Variants in CDH7 observed in about 807,000 individuals in gnomAD.
The protein encoded by CDH7 is cadherin-7.
In CDH7, 25 loss-of-function variants were observed where a neutral mutation model predicts 71.8. That is an observed-to-expected ratio of 0.35 (90% CI 0.25 to 0.49). The LOEUF (loss-of-function observed/expected upper bound fraction) is 0.49, where lower values mean the gene tolerates loss of function less well. Ranked by LOEUF, CDH7 falls within the 20% of genes least tolerant of loss-of-function variation. The pLI is 0.99. For missense variants in CDH7, 862 were observed against 974.6 expected (o/e 0.88, Z 1.54); for synonymous variants, 381 against 363.8 (o/e 1.05, Z -0.54).
At chr18:65,871,635 A>G (rs901998877) in intron 11 of CDH7, among the ~76,000 whole-genome samples, 1 of 152,170 alleles carries the variant, frequency 6.6e-6, no homozygotes, top group Non-Finnish European at 1.5e-5. Context: ...GTATTTTCCT[A>G]CTTGAGAAAA....
intron 1 of CDH7, among the ~76,000 whole-genome samples, chr18:65,760,301 A>G (rs946837557): frequency 1.3e-5 from 2 of 152,184 alleles, no homozygotes; most frequent in Admixed American, 1.3e-4. Context: ...CTTAGAATTT[A>G]ACTTATTCAA....
chr18:65,784,887 T>G lies in CDH7; in HGVS notation c.210+21835T>G, dbSNP rs563074486. On this transcript the variant is annotated intron_variant, in intron 2 of 11. Coordinates refer to ENST00000397968, the MANE Select transcript of CDH7 (RefSeq NM_004361.5). The stretch of plus-strand genomic sequence containing the variant: ...TCTGTGTCTCCACATTTTTTACCCT[T>G]GTTCATTTATGTGTTACATTATACT... Among the ~76,000 whole-genome samples the G allele has an allele frequency of 1.6e-4, 24 of 152,340 alleles. No homozygotes were observed. The South Asian group carries it at 5.0e-3, about 32-fold the overall frequency.
intron 7 of CDH7, among the ~76,000 whole-genome samples, chr18:65,847,815 C>T (rs1286061084): frequency 2.6e-5 from 4 of 152,026 alleles, no homozygotes; most frequent in African/African-American, 7.2e-5. Context: ...ACCCAACATC[C>T]AGATAGCTTA....
intron 2 of CDH7, among the ~76,000 whole-genome samples, chr18:65,768,198 C>T (rs1916433644): frequency 6.6e-6 from 1 of 151,078 alleles, no homozygotes; most frequent in South Asian, 2.1e-4. Context: ...CAAACATTTT[C>T]AACTGCAGTC....
chr18:65,858,907 C>T lies in CDH7; in HGVS notation c.1373-18C>T, dbSNP rs1474801096. The T allele has an allele frequency of 1.2e-6, 2 of 1,607,806 alleles. No individual in the cohort carries two copies. The stretch of plus-strand genomic sequence containing the variant: ...GATGGGCAAAGAGTAAATGATAAGA[C>T]ACTGTCTTATTTATTAGAGAATCCA... On this transcript the variant is annotated intron_variant, in intron 8 of 11. Coordinates refer to ENST00000397968, the MANE Select transcript of CDH7 (RefSeq NM_004361.5).
rs569892255 is a variant in CDH7 at position 65,831,487 on chromosome 18, T to C, written c.981+6656T>C. On this transcript the variant is annotated intron_variant, in intron 6 of 11. Transcript: ENST00000397968. Reference sequence around the variant, plus strand: ...TACCATTTTGTAACTAGAGTTTATTTGGAGTTGTTTTCCCAGAATCAAGGA... The same window carrying C: ...TACCATTTTGTAACTAGAGTTTATTCGGAGTTGTTTTCCCAGAATCAAGGA... Among the ~76,000 whole-genome samples the C allele has an allele frequency of 1.6e-3, 247 of 152,314 alleles. 2 individuals carry two copies. The highest frequency in any genetic ancestry group is 5.8e-3 in the African/African-American group (241 of 41,562).
At chr18:65,820,830 A>G (rs769893361) in intron 4 of CDH7, among the ~76,000 whole-genome samples, 4 of 152,174 alleles carry the variant, frequency 2.6e-5, no homozygotes, top group Non-Finnish European at 5.9e-5. Context: ...TGAGAGGATG[A>G]GGCTGCAGTG....
intron 11 of CDH7, chr18:65,866,331 CAAAA>C (rs1291511991): frequency 3.8e-4 from 1 of 2,600 alleles, no homozygotes; most frequent in African/African-American, 9.0e-4. Context: ...AAAAAAAAAA[CAAAA>C]AAAAAAAAAA....
chr18:65,780,684 A>T (rs1347857992), intron 2 of CDH7, among the ~76,000 whole-genome samples: 1 of 150,882 alleles, frequency 6.6e-6, no homozygotes, highest in African/African-American at 2.5e-5. Flanking sequence ...TGGTACCAGT[A>T]CCATGCTGTT....
At chr18:65,859,085 T>G (rs1472316677) in intron 9 of CDH7, 39 bp downstream of exon 9, 1 of 1,599,460 alleles carries the variant, frequency 6.3e-7, no homozygotes, top group Admixed American at 1.7e-5. Flanking sequence ...AATTTGTGGT[T>G]TCTTAAAAAA....
intron 6 of CDH7, among the ~76,000 whole-genome samples, chr18:65,832,985 G>T (rs886787942): frequency 1.3e-5 from 2 of 152,010 alleles, no homozygotes; most frequent in African/African-American, 4.8e-5. Flanking sequence ...CTATGCATCC[G>T]GTATCTGACA....
intron 1 of CDH7, among the ~76,000 whole-genome samples, chr18:65,753,294 C>CT (rs1425153216): frequency 1.4e-4 from 21 of 152,130 alleles, no homozygotes; most frequent in African/African-American, 3.9e-4. Context: ...TGAGCAAATA[C>CT]TTTTTTGTCA....
chr18:65,763,219 C>T (rs375257654), intron 2 of CDH7, among the ~76,000 whole-genome samples, 167 bp downstream of exon 2: 2 of 152,222 alleles, frequency 1.3e-5, no homozygotes, highest in South Asian at 2.1e-4. Flanking sequence ...ATAGCCACTG[C>T]GAAGTTGCAA....
intron 7 of CDH7, among the ~76,000 whole-genome samples, chr18:65,857,354 AT>A (rs1419730248): frequency 0.01 from 1,437 of 138,874 alleles, 32 homozygotes; most frequent in African/African-American, 0.039. Context: ...AATAATAATA[AT>A]AATAATAAAA....
intron 2 of CDH7, among the ~76,000 whole-genome samples, chr18:65,788,932 T>A (rs1435035977): frequency 1.3e-5 from 2 of 152,144 alleles, no homozygotes; most frequent in African/African-American, 4.8e-5. Context: ...CAAGAAGAAA[T>A]ACGTAGTCTA....
intron 11 of CDH7, chr18:65,863,128 C>T (rs1435203050): frequency 1.7e-6 from 1 of 594,150 alleles, no homozygotes. Flanking sequence ...GCCTCTGCCT[C>T]CCAGGTTCAA....
intron 2 of CDH7, among the ~76,000 whole-genome samples, chr18:65,781,756 T>TTCTTTCTTTCTTTCTTTCTTTCTTTCTA: frequency 2.9e-5 from 1 of 34,158 alleles, no homozygotes; most frequent in African/African-American, 3.0e-4. Flanking sequence ...GTTGATTTCT[T>TTCTTTCTTTCTTTCTTTCTTTCTTTCTA]TCTTTCTTTC....
At chr18:65,785,829 C>G (rs1466916526) in intron 2 of CDH7, among the ~76,000 whole-genome samples, 1 of 151,748 alleles carries the variant, frequency 6.6e-6, no homozygotes, top group Non-Finnish European at 1.5e-5. Flanking sequence ...GAAAGTAACA[C>G]AAAAATTAAA....
chr18:65,792,211 T>TTA (rs1910738730), intron 2 of CDH7, among the ~76,000 whole-genome samples: 1 of 132,718 alleles, frequency 7.5e-6, no homozygotes, highest in Non-Finnish European at 1.6e-5. Flanking sequence ...TTTTTTTTTT[T>TTA]AAGACTGACA....
Sources: allele counts gnomAD v4.1 joint callset (sites outside exome capture counted in the v4.1 genomes callset), GRCh38; gene constraint gnomAD v4.1.1; transcripts MANE v1.5; gene names NCBI Gene and HGNC (gene_info 2026-07-23, HGNC 2026-07-21).